The following ADARB2 variants were observed in gnomAD, a reference collection of about 807,000 sequenced individuals.
ADARB2 encodes the protein adenosine deaminase RNA specific B2 (inactive), also known as inactive double-stranded RNA-specific editase B2.
ADARB2 carries 25 observed loss-of-function variants against 62.2 expected under a neutral mutation model. The ratio of observed to expected loss-of-function variants is 0.40; its 90% CI spans 0.29 to 0.56. The LOEUF (loss-of-function observed/expected upper bound fraction) is 0.56, where lower values mean the gene tolerates loss of function less well. Ranked by LOEUF, ADARB2 falls within the 20% of genes least tolerant of loss-of-function variation. ADARB2 has a pLI of 0.43. For synonymous variants in ADARB2, 572 were observed against 500.8 expected (o/e 1.14, Z -1.90); for missense variants, 1,071 against 1,077.4 (o/e 0.99, Z 0.08).
chr10:1,463,489 G>A (rs1393325304), intron 1 of ADARB2, among the ~76,000 whole-genome samples: 4 of 152,286 alleles, frequency 2.6e-5, no homozygotes, highest in Non-Finnish European at 4.4e-5. Flanking sequence ...TGGTTAACCC[G>A]GGCTTAAGAA....
chr10:1,569,014 CAG>C (rs1306071285), intron 1 of ADARB2, among the ~76,000 whole-genome samples: 2 of 151,698 alleles, frequency 1.3e-5, no homozygotes, highest in African/African-American at 4.8e-5. Flanking sequence ...GAGAGAGACA[CAG>C]AGAGACAGAG....
Position 1,571,847 on chromosome 10 carries a change from GGCAGGTGAGTAT to G in ADARB2, c.100+165192_100+165203del, listed in dbSNP as rs1490056971. 2.7e-5 allele frequency among the ~76,000 whole-genome samples: 4 copies of G among 148,046 alleles called. No individual in the cohort carries two copies. The South Asian group carries it at 6.7e-4, about 25-fold the overall frequency. Reference sequence around the variant, plus strand: ...TATGCAGGTGATATGCTGGTGAGTGGGCAGGTGAGTATGCAGGTGAGTGTGCAGGCGAGTAGG... The same window carrying G: ...TATGCAGGTGATATGCTGGTGAGTGGGCAGGTGAGTGTGCAGGCGAGTAGG... On this transcript the variant is annotated intron_variant, in intron 1 of 9. Coordinates refer to ENST00000381312, the MANE Select transcript of ADARB2 (RefSeq NM_018702.4).
intron 1 of ADARB2, among the ~76,000 whole-genome samples, chr10:1,546,058 C>T (rs58240296): frequency 0.022 from 3,362 of 152,226 alleles, 121 homozygotes; most frequent in African/African-American, 0.076. Flanking sequence ...CAGATCACTG[C>T]ATCGGAAGAG....
At chr10:1,358,647 C>CAAAACA (rs3029681) in intron 3 of ADARB2, among the ~76,000 whole-genome samples, 80,693 of 150,862 alleles carry the variant, frequency 0.53, 23,711 homozygotes, top group East Asian at 0.77. Flanking sequence ...TTTTTTTCAG[C>CAAAACA]AAAACAAAGA....
intron 1 of ADARB2, among the ~76,000 whole-genome samples, chr10:1,383,920 C>T (rs1462086380): frequency 6.6e-6 from 1 of 152,150 alleles, no homozygotes; most frequent in African/African-American, 2.4e-5. Flanking sequence ...GATTTTTCTT[C>T]CTTGCCTTTG....
chr10:1,385,233 T>C (rs576930721), intron 1 of ADARB2, among the ~76,000 whole-genome samples: 20 of 152,008 alleles, frequency 1.3e-4, no homozygotes, highest in African/African-American at 4.6e-4. Context: ...CAAATAATGA[T>C]AGAGTAATAG....
chr10:1,322,460 T>C (rs1049809579), intron 3 of ADARB2, among the ~76,000 whole-genome samples: 1 of 152,180 alleles, frequency 6.6e-6, no homozygotes, highest in Non-Finnish European at 1.5e-5. Context: ...GTTTAGGCAA[T>C]GTGGCAATTA....
At chr10:1,677,540 G>C (rs1371067807) in intron 1 of ADARB2, among the ~76,000 whole-genome samples, 1 of 152,144 alleles carries the variant, frequency 6.6e-6, no homozygotes, top group Non-Finnish European at 1.5e-5. Flanking sequence ...CTAGGAAGAA[G>C]GCAGGAGTGT....
rs142467043 is a variant in ADARB2, at chr10:1,197,963, C to T, written c.1864+2003G>A. On this transcript the variant is annotated intron_variant, in intron 8 of 9. Coordinates refer to ENST00000381312, the MANE Select transcript of ADARB2 (RefSeq NM_018702.4). ...GCATAGAGTTTTATTAATTACTATCCCCATCATTTTGTTCATCTTACTGAA... is the reference window on the plus strand; with the variant it reads ...GCATAGAGTTTTATTAATTACTATCTCCATCATTTTGTTCATCTTACTGAA... Among the ~76,000 whole-genome samples the T allele has an allele frequency of 8.5e-5, 13 of 152,162 alleles. No homozygotes were observed. In the East Asian group the frequency reaches 2.5e-3, roughly 29 times the overall value.
intron 1 of ADARB2, among the ~76,000 whole-genome samples, chr10:1,493,600 A>G (rs999204384): frequency 5.3e-5 from 8 of 152,140 alleles, no homozygotes; most frequent in African/African-American, 1.9e-4. Context: ...TCCTTAATTT[A>G]CCAAGTGTTT....
At position 1,178,641 on chromosome 10, in the gene ADARB2, G is replaced by C. The variant is rs6560717; in HGVS notation, c.*4552C>G. ...AGACCCTAAAATACCAGCGAGGCGGGGGGTGGTCTGTCCCTGCTAAGAGCT... is the reference window on the plus strand; with the variant it reads ...AGACCCTAAAATACCAGCGAGGCGGCGGGTGGTCTGTCCCTGCTAAGAGCT... On this transcript the variant is annotated 3_prime_UTR_variant, in exon 10 of 10. Coordinates refer to ENST00000381312, the MANE Select transcript of ADARB2 (RefSeq NM_018702.4). 0.7 allele frequency: 106,322 copies of C among 152,228 alleles called. 37,601 individuals carry two copies. Among genetic ancestry groups the C allele is most frequent in the South Asian group, 0.76 (3,683 of 4,818 alleles). The allele number at this position is 152,228 out of a possible 1,614,324, so 9.4% of individuals were successfully genotyped here. A position where few individuals can be genotyped will look rare whatever the true frequency, so the allele number is the denominator to read the frequency against.
chr10:1,249,099 C>T (rs570813465), intron 4 of ADARB2, among the ~76,000 whole-genome samples: 7 of 152,246 alleles, frequency 4.6e-5, no homozygotes, highest in South Asian at 2.1e-4. Context: ...CACTACAGTA[C>T]GTCCCTGCAA....
At chr10:1,219,440 C>A (rs929565595) in intron 6 of ADARB2, among the ~76,000 whole-genome samples, 25 of 152,296 alleles carry the variant, frequency 1.6e-4, no homozygotes, top group African/African-American at 5.8e-4. Context: ...GAAGAAAGAT[C>A]GCTGCATTCT....
In ADARB2 at chr10:1,464,435, G is replaced by A. The variant is rs1382672937; in HGVS notation, c.101-85275C>T. Among the ~76,000 whole-genome samples the A allele has an allele frequency of 9.9e-5, 9 of 90,868 alleles. 1 individual carries two copies. Among genetic ancestry groups the A allele is most frequent in the African/African-American group, 3.1e-4 (8 of 25,766 alleles). The allele number at this position is 90,868 out of a possible 152,430, so 59.6% of individuals were successfully genotyped here. ...CACACGCGCGGGGGCCAGTCACAGC[G>A]GGCAGTGCACCGGAGAAGAGGGTGG... On this transcript the variant is annotated intron_variant, in intron 1 of 9. Transcript: ENST00000381312.
chr10:1,266,998 AAT>A (rs1383793474), intron 4 of ADARB2, among the ~76,000 whole-genome samples: 6 of 152,118 alleles, frequency 3.9e-5, no homozygotes, highest in African/African-American at 1.4e-4. Context: ...GCAGAAAATT[AAT>A]AGAGTGTTGC....
chr10:1,581,689 T>C (rs1482673718), intron 1 of ADARB2, among the ~76,000 whole-genome samples: 4 of 152,150 alleles, frequency 2.6e-5, no homozygotes, highest in Admixed American at 6.5e-5. Flanking sequence ...TGGATAGAGC[T>C]AGATATAGAC....
chr10:1,265,637 G>A (rs1421512335), intron 4 of ADARB2, among the ~76,000 whole-genome samples: 1 of 99,664 alleles, frequency 1.0e-5, no homozygotes, highest in Admixed American at 9.0e-5. Context: ...CCCGGAAGAC[G>A]GCCTGAGCCA....
chr10:1,187,768 A>C, intron 8 of ADARB2: 3 of 355,368 alleles, frequency 8.4e-6, no homozygotes, highest in South Asian at 6.1e-5. Flanking sequence ...GACAGAAGGA[A>C]GGAGCTGGTG....
intron 1 of ADARB2, among the ~76,000 whole-genome samples, chr10:1,463,558 A>AT (rs1175318517): frequency 2.0e-5 from 3 of 152,050 alleles, no homozygotes; most frequent in African/African-American, 4.8e-5. Flanking sequence ...AAATACCTTC[A>AT]TTTTTTCTAG....
Sources: gnomAD v4.1 joint callset for allele counts (sites outside exome capture counted in the v4.1 genomes callset) on GRCh38, gnomAD v4.1.1 for gene constraint, MANE v1.5 for transcripts, NCBI Gene and HGNC (gene_info 2026-07-23, HGNC 2026-07-21) for gene names.